The following C22orf42 variants were observed in gnomAD, a reference collection of about 807,000 sequenced individuals.
The protein encoded by C22orf42 is chromosome 22 open reading frame 42.
Under a neutral mutation model 31.4 loss-of-function variants are expected in C22orf42, and 24 were observed. The ratio of observed to expected loss-of-function variants is 0.77; its 90% CI spans 0.55 to 1.08. The LOEUF is 1.08. Among genes scored for constraint, C22orf42 ranks in the 50% least tolerant of loss-of-function variants. The probability of loss-of-function intolerance (pLI) is 0.00; values close to 1 mark genes in which losing one functional copy is unlikely to be tolerated. For missense variants in C22orf42, 276 were observed against 327.3 expected (o/e 0.84, Z 1.21); for synonymous variants, 96 against 112.7 (o/e 0.85, Z 0.94).
intron 1 of C22orf42, among the ~76,000 whole-genome samples, chr22:32,157,150 C>T (rs1424166535): frequency 6.6e-6 from 1 of 151,924 alleles, no homozygotes; most frequent in East Asian, 1.9e-4. Context: ...TTTAGGATCA[C>T]TTGACTCTAG....
intron 1 of C22orf42, among the ~76,000 whole-genome samples, chr22:32,155,951 G>A (rs574090345): frequency 6.6e-6 from 1 of 152,258 alleles, no homozygotes; most frequent in South Asian, 2.1e-4. Flanking sequence ...TGGGAGGATC[G>A]TTTGTGCCAA....
At chr22:32,152,774 T>G (rs1921041860) in intron 2 of C22orf42, 148 bp from the exon 3 acceptor site, 1 of 748,852 alleles carries the variant, frequency 1.3e-6, no homozygotes, top group Non-Finnish European at 2.3e-6. Flanking sequence ...TTCTCCTTGG[T>G]GTTGAGGGAA....
At chr22:32,151,889 G>A (rs1920991302) in intron 4 of C22orf42, among the ~76,000 whole-genome samples, 178 bp downstream of exon 4, 1 of 67,374 alleles carries the variant, frequency 1.5e-5, no homozygotes, top group African/African-American at 7.7e-5. Context: ...AAAGACAGAG[G>A]AGTGACTACT....
intron 1 of C22orf42, among the ~76,000 whole-genome samples, chr22:32,155,778 G>A (rs575315472): frequency 2.6e-5 from 4 of 152,260 alleles, no homozygotes; most frequent in East Asian, 3.9e-4. Context: ...CATGGCTGTA[G>A]TCCTGACATT....
intron 1 of C22orf42, among the ~76,000 whole-genome samples, chr22:32,155,208 A>G (rs1401876584): frequency 2.6e-5 from 4 of 152,130 alleles, no homozygotes; most frequent in Non-Finnish European, 5.9e-5. Context: ...GCTTTGTCAA[A>G]TCCTGCTGCC....
chr22:32,149,756 G>C lies in C22orf42; in HGVS notation c.679C>G (p.Leu227Val), dbSNP rs2094109250. 1 of 1,452,644 alleles carries C rather than the reference G, an allele frequency of 6.9e-7. No homozygotes were observed. Among genetic ancestry groups the C allele is most frequent in the Non-Finnish European group, 9.2e-7 (1 of 1,092,732 alleles). 90.0% of individuals were successfully genotyped at this position (1,452,644 alleles called of 1,614,324 possible). A position where few individuals can be genotyped will look rare whatever the true frequency, so the allele number is the denominator to read the frequency against. Residue 227 changes from leucine (L) to valine (V), a missense_variant, in exon 8 of 9, where the codon CTC becomes GTC. Coordinates refer to ENST00000382097, the MANE Select transcript of C22orf42 (RefSeq NM_001010859.3). ...EMAKERYEDYLCWVKMARSRL... is the reference protein window; with the variant it reads ...EMAKERYEDYVCWVKMARSRL... ...ATCTAGATATATATATACTTACAGA[G>C]GTAATCTTCATATCTCTCCTTTGCC... is the stretch of plus-strand genomic sequence containing the variant.
rs1921438361 is a variant in C22orf42, at chr22:32,159,034, A to T, written c.182T>A (p.Met61Lys). 6.2e-7 allele frequency: 1 copy of T among 1,614,066 alleles called. No individual in the cohort carries two copies. Among genetic ancestry groups the T allele is most frequent in the Non-Finnish European group, 8.5e-7 (1 of 1,180,048 alleles). ...CGTCTTCGGGAGGCTGAGGTACTGC[A>T]TGAGTTGGGCCTTCTTAGCTTTCAA... ...LDLKAKKAQL[M>K]QYLSLPKTPK... Residue 61 changes from methionine (M) to lysine (K), a missense_variant, in exon 1 of 9, where the codon ATG becomes AAG. Coordinates refer to ENST00000382097, the MANE Select transcript of C22orf42 (RefSeq NM_001010859.3).
chr22:32,151,956 T>C, intron 4 of C22orf42, 111 bp downstream of exon 4: 1 of 1,099,264 alleles, frequency 9.1e-7, no homozygotes, highest in South Asian at 1.4e-5. Flanking sequence ...GTAAAATGGT[T>C]GCACAACCCT....
chr22:32,152,199 A>T (rs1261516644), intron 3 of C22orf42, 105 bp from the exon 4 acceptor site: 2 of 1,379,018 alleles, frequency 1.5e-6, no homozygotes, highest in Admixed American at 2.2e-5. Flanking sequence ...ACCGGATGTG[A>T]AACAGTGATC....
chr22:32,152,738 G>A (rs1453289644), intron 2 of C22orf42, 112 bp from the exon 3 acceptor site: 9 of 967,626 alleles, frequency 9.3e-6, no homozygotes, highest in Non-Finnish European at 1.5e-5. Flanking sequence ...CGGTTGACAG[G>A]CATGGACTGA....
At chr22:32,151,669 A>T in intron 4 of C22orf42, 118 bp from the exon 5 acceptor site, 2 of 914,138 alleles carry the variant, frequency 2.2e-6, no homozygotes, top group South Asian at 2.7e-5. Flanking sequence ...ACAGGCATGG[A>T]CTGAGCTGCT....
rs34792152 is a variant in C22orf42, at chr22:32,153,857, C to CA, written c.307+386dup. 6.3e-3 allele frequency among the ~76,000 whole-genome samples: 777 copies of CA among 123,038 alleles called. 6 individuals carry two copies. Among genetic ancestry groups the CA allele is most frequent in the East Asian group, 0.016 (56 of 3,598 alleles). The allele number at this position is 123,038 out of a possible 152,430, so 80.7% of individuals were successfully genotyped here. A position where few individuals can be genotyped will look rare whatever the true frequency, so the allele number is the denominator to read the frequency against. On this transcript the variant is annotated intron_variant, in intron 2 of 8. Transcript: ENST00000382097. Reference sequence around the variant, plus strand: ...GCAACATGGTGAAATCCCATCTCTACAAAAAAAAAAAAAAAAATTAGCTTG... The same window carrying CA: ...GCAACATGGTGAAATCCCATCTCTACAAAAAAAAAAAAAAAAAATTAGCTTG...
chr22:32,150,636 G>A (rs1003948560), intron 6 of C22orf42, 157 bp from the exon 7 acceptor site: 2 of 711,722 alleles, frequency 2.8e-6, no homozygotes, highest in African/African-American at 3.6e-5. Context: ...GCTGAAGGAA[G>A]GCAAAGGAGA....
At position 32,154,323 on chromosome 22, in the gene C22orf42, A is replaced by G; in HGVS notation, c.233-5T>C. ...GCTTGGAGCGGGCGTCCAAACCTGC[A>G]AGGTAGAGCAGACTTCTTATAGATT... On this transcript the variant is annotated splice_region_variant and splice_polypyrimidine_tract_variant and intron_variant, in intron 1 of 8. Coordinates refer to ENST00000382097, the MANE Select transcript of C22orf42 (RefSeq NM_001010859.3). 6.2e-7 allele frequency: 1 copy of G among 1,610,938 alleles called. No homozygotes were observed.
At chr22:32,151,634 T>C (rs1489880836) in intron 4 of C22orf42, 83 bp from the exon 5 acceptor site, 1 of 1,369,302 alleles carries the variant, frequency 7.3e-7, no homozygotes. Flanking sequence ...GGACCGGGGC[T>C]GGAGTGTGTG....
intron 3 of C22orf42, 102 bp downstream of exon 3, chr22:32,152,460 C>T (rs889081324): frequency 3.1e-5 from 31 of 999,018 alleles, no homozygotes; most frequent in Non-Finnish European, 4.8e-5. Flanking sequence ...GACACTGAGG[C>T]CTGAATCATG....
chr22:32,155,101 G>A (rs559854808), intron 1 of C22orf42, among the ~76,000 whole-genome samples: 1 of 152,156 alleles, frequency 6.6e-6, no homozygotes, highest in South Asian at 2.1e-4. Flanking sequence ...GAAGATCTGG[G>A]ACAAGAATGT....
At chr22:32,150,207 TG>T in intron 7 of C22orf42, 111 bp downstream of exon 7, 5 of 1,109,556 alleles carry the variant, frequency 4.5e-6, no homozygotes, top group Non-Finnish European at 5.2e-6. Context: ...ACAAAAAAAT[TG>T]TATTTGTCTT....
At chr22:32,158,562 T>G (rs770074526) in intron 1 of C22orf42, among the ~76,000 whole-genome samples, 66 of 152,134 alleles carry the variant, frequency 4.3e-4, no homozygotes, top group Admixed American at 8.5e-4. Flanking sequence ...CATGGCAAAC[T>G]CTATTTTGAA....
Sources: gnomAD v4.1 joint callset for allele counts (sites outside exome capture counted in the v4.1 genomes callset) on GRCh38, gnomAD v4.1.1 for gene constraint, MANE v1.5 for transcripts, NCBI Gene and HGNC (gene_info 2026-07-23, HGNC 2026-07-21) for gene names.